The following SV2C variants were observed in gnomAD, a reference collection of about 807,000 sequenced individuals.
SV2C encodes the protein solute carrier family 22 member B3.
A neutral mutation model predicts 79.7 loss-of-function variants in SV2C; 49 were observed. The observed-to-expected ratio is 0.61, with a 90% CI of 0.49 to 0.78. SV2C has a LOEUF of 0.78. SV2C is among the 30% of genes least tolerant of loss of function. The pLI, the probability that SV2C is intolerant of heterozygous loss-of-function variation, is 0.00. For synonymous variants in SV2C, 334 were observed against 333.2 expected (o/e 1.00, Z -0.03); for missense variants, 833 against 912.9 (o/e 0.91, Z 1.13).
rs549621352 is a variant in SV2C, at chr5:76,333,159, C to T, written c.*7612C>T. On this transcript the variant is annotated 3_prime_UTR_variant, in exon 13 of 13. Transcript: ENST00000502798. ...ACTCCTTTCTTGCCTTGATATTCAC[C>T]AGGCCTACCTAGATAGAACTTGACA... is the stretch of plus-strand genomic sequence containing the variant. The T allele has an allele frequency of 2.0e-5, 3 of 152,312 alleles. No individual in the cohort carries two copies. In the South Asian group the frequency reaches 6.2e-4, roughly 32 times the overall value. 9.4% of individuals were successfully genotyped at this position (152,312 alleles called of 1,614,324 possible).
At chr5:75,972,793 G>A in the SV2C span, among the ~76,000 whole-genome samples, 1 of 152,054 alleles carries the variant, frequency 6.6e-6, no homozygotes, top group African/African-American at 2.4e-5. Flanking sequence ...TCTAGAACTA[G>A]AAATACCATT....
chr5:76,173,320 C>T (rs1207394805), intron 2 of SV2C, among the ~76,000 whole-genome samples: 6 of 151,652 alleles, frequency 4.0e-5, no homozygotes, highest in African/African-American at 1.2e-4. Context: ...GTATACAGTA[C>T]ACCATTTTCA....
chr5:76,096,331 G>A (rs893882189), intron 1 of SV2C, among the ~76,000 whole-genome samples: 1 of 151,876 alleles, frequency 6.6e-6, no homozygotes, highest in Non-Finnish European at 1.5e-5. Context: ...TCTTTATGCT[G>A]AGAAAAAAGG....
At chr5:76,149,090 A>G (rs995848730) in intron 2 of SV2C, among the ~76,000 whole-genome samples, 4 of 152,156 alleles carry the variant, frequency 2.6e-5, no homozygotes, top group African/African-American at 9.7e-5. Context: ...ACTAGTGTTG[A>G]TGACCACAGG....
intron 4 of SV2C, among the ~76,000 whole-genome samples, chr5:76,212,464 T>C (rs2112359787): frequency 6.6e-6 from 1 of 151,486 alleles, no homozygotes; most frequent in Admixed American, 6.6e-5. Context: ...TCTCTCTCTC[T>C]TTTTCTTTTT....
intron 4 of SV2C, among the ~76,000 whole-genome samples, chr5:76,259,179 A>T (rs1298792929): frequency 6.6e-6 from 1 of 152,138 alleles, no homozygotes; most frequent in East Asian, 1.9e-4. Flanking sequence ...ACTTCTGCTT[A>T]TGTTTTCATT....
chr5:75,890,503 C>A, the SV2C span, among the ~76,000 whole-genome samples: 1 of 152,034 alleles, frequency 6.6e-6, no homozygotes, highest in South Asian at 2.1e-4. Context: ...TATAAATTTC[C>A]ATCATTCCAT....
chr5:75,853,679 T>A, the SV2C span, among the ~76,000 whole-genome samples: 465 of 145,026 alleles, frequency 3.2e-3, 3 homozygotes, highest in East Asian at 6.0e-3. Flanking sequence ...CTATTTTTTT[T>A]AAAATATTAC....
chr5:76,252,302 G>A (rs1746138483), intron 4 of SV2C, among the ~76,000 whole-genome samples: 1 of 152,278 alleles, frequency 6.6e-6, no homozygotes, highest in South Asian at 2.1e-4. Context: ...TGTATTTTTA[G>A]TAGAGATGGG....
In SV2C at chr5:76,343,846, C is replaced by A. The variant is rs557231395; in HGVS notation, c.2001-9284C>A. 8.6e-4 allele frequency among the ~76,000 whole-genome samples: 131 copies of A among 152,242 alleles called. 2 individuals are homozygous for A. The South Asian group carries it at 0.027, about 31-fold the overall frequency. On this transcript the variant is annotated intron_variant, in intron 12 of 12. Coordinates refer to the SV2C transcript ENST00000322285. The stretch of plus-strand genomic sequence containing the variant: ...GACCAGCATAGGCAACATGGTGAAA[C>A]CCCATCTCTACAAAAACTATGAAAA...
At chr5:76,256,713 C>T (rs1209156331) in intron 4 of SV2C, among the ~76,000 whole-genome samples, 1 of 152,174 alleles carries the variant, frequency 6.6e-6, no homozygotes, top group Non-Finnish European at 1.5e-5. Context: ...AATTCATCTC[C>T]CAGCAAGAAT....
At chr5:76,236,164 G>T (rs1745603982) in intron 4 of SV2C, among the ~76,000 whole-genome samples, 1 of 152,156 alleles carries the variant, frequency 6.6e-6, no homozygotes, top group Admixed American at 6.5e-5. Flanking sequence ...AACAAAACTG[G>T]CTCTGTGGCA....
At chr5:76,150,946 C>T (rs1286741918) in intron 2 of SV2C, among the ~76,000 whole-genome samples, 1 of 152,132 alleles carries the variant, frequency 6.6e-6, no homozygotes, top group Non-Finnish European at 1.5e-5. Context: ...AGCCCATTCA[C>T]CAGATTCTTA....
chr5:75,894,978 C>T, the SV2C span, among the ~76,000 whole-genome samples: 88 of 152,136 alleles, frequency 5.8e-4, no homozygotes, highest in African/African-American at 1.3e-3. Context: ...AAGATGCATA[C>T]GGAGTTTCTT....
At chr5:75,968,070 A>G in the SV2C span, among the ~76,000 whole-genome samples, 4 of 152,234 alleles carry the variant, frequency 2.6e-5, no homozygotes, top group Non-Finnish European at 5.9e-5. Flanking sequence ...AGGGTCTGGA[A>G]TGGACCTCCA....
chr5:76,307,091 A>T (rs1008094762), intron 12 of SV2C, among the ~76,000 whole-genome samples: 5 of 152,116 alleles, frequency 3.3e-5, no homozygotes, highest in Admixed American at 2.0e-4. Flanking sequence ...CTTTGGGTTT[A>T]CTATGTTTGG....
chr5:76,137,029 T>C (rs1749092941), intron 2 of SV2C, among the ~76,000 whole-genome samples: 1 of 152,220 alleles, frequency 6.6e-6, no homozygotes, highest in African/African-American at 2.4e-5. Flanking sequence ...ACTTAAAATG[T>C]CAAATAGACT....
the SV2C span, among the ~76,000 whole-genome samples, chr5:76,034,257 T>C: frequency 1.7e-4 from 26 of 151,896 alleles, no homozygotes; most frequent in Non-Finnish European, 2.9e-4. Context: ...TCCTGCCTGA[T>C]TGCCCTGGCC....
intron 6 of SV2C, among the ~76,000 whole-genome samples, chr5:76,287,219 A>G (rs1254829885): frequency 1.3e-5 from 2 of 152,212 alleles, no homozygotes; most frequent in Admixed American, 6.5e-5. Context: ...ACACTTTTAC[A>G]TAAAGGCAGA....
Sources: gnomAD v4.1 joint callset for allele counts (sites outside exome capture counted in the v4.1 genomes callset) on GRCh38, gnomAD v4.1.1 for gene constraint, MANE v1.5 for transcripts, NCBI Gene and HGNC (gene_info 2026-07-23, HGNC 2026-07-21) for gene names.